Variants in EDRF1 observed in about 807,000 individuals in gnomAD.
The protein encoded by EDRF1 is erythroid differentiation-related factor 1.
Under a neutral mutation model 148.7 loss-of-function variants are expected in EDRF1, and 69 were observed. The observed-to-expected ratio is 0.46, with a 90% CI of 0.38 to 0.57. The LOEUF (loss-of-function observed/expected upper bound fraction) is 0.57. Among genes scored for constraint, EDRF1 ranks in the 20% least tolerant of loss-of-function variants. The pLI, the probability that EDRF1 is intolerant of heterozygous loss-of-function variation, is 0.00. For synonymous variants in EDRF1, 515 were observed against 532.8 expected (o/e 0.97, Z 0.46); for missense variants, 1,118 against 1,478.7 (o/e 0.76, Z 4.00).
chr10:125,747,492 T>C (rs949581594), intron 19 of EDRF1, 44 bp from the exon 20 acceptor site: 2 of 1,605,384 alleles, frequency 1.2e-6, no homozygotes. Flanking sequence ...TATTGGTATA[T>C]GTTTAAGCTG....
intron 1 of EDRF1, among the ~76,000 whole-genome samples, chr10:125,720,762 G>A (rs1847949843): frequency 6.7e-6 from 1 of 149,046 alleles, no homozygotes; most frequent in South Asian, 2.1e-4. Context: ...AGTGAGCCAT[G>A]ATTGCTCCAC....
intron 18 of EDRF1, among the ~76,000 whole-genome samples, chr10:125,744,445 A>G (rs977540449): frequency 3.9e-5 from 6 of 152,074 alleles, no homozygotes; most frequent in African/African-American, 1.4e-4. Flanking sequence ...TGGCTTCCCA[A>G]AGTTCTGGGA....
chr10:125,759,038 G>A (rs1349081284), intron 24 of EDRF1, among the ~76,000 whole-genome samples: 1 of 152,146 alleles, frequency 6.6e-6, no homozygotes, highest in Non-Finnish European at 1.5e-5. Context: ...AAGGGTCCAG[G>A]TGGGGTTGCT....
At chr10:125,720,080 G>T (rs1458191200) in intron 1 of EDRF1, among the ~76,000 whole-genome samples, 165 bp downstream of exon 1, 1 of 152,204 alleles carries the variant, frequency 6.6e-6, no homozygotes, top group Admixed American at 6.5e-5. Flanking sequence ...GCAGGTATTC[G>T]TATTAAAAGC....
At chr10:125,733,285 T>C in intron 9 of EDRF1, 119 bp from the exon 10 acceptor site, 1 of 779,844 alleles carries the variant, frequency 1.3e-6, no homozygotes, top group Non-Finnish European at 2.1e-6. Flanking sequence ...GTTTAAACAC[T>C]TTCATGCTAC....
intron 21 of EDRF1, chr10:125,748,884 C>A: frequency 5.1e-6 from 1 of 196,390 alleles, no homozygotes; most frequent in Non-Finnish European, 1.1e-5. Context: ...TGTCTTGGCA[C>A]CCTTAAGCTT....
At position 125,733,415 on chromosome 10, in the gene EDRF1, G is replaced by T; in HGVS notation, c.1140G>T (p.Met380Ile). 6.3e-7 allele frequency: 1 copy of T among 1,574,850 alleles called. No individual in the cohort carries two copies. The highest frequency in any genetic ancestry group is 8.7e-7 in the Non-Finnish European group (1 of 1,154,122). Residue 380 changes from methionine (M) to isoleucine (I), a missense_variant, in exon 10 of 25, where the codon ATG becomes ATT. By Grantham distance (10) the Met-to-Ile change is conservative (BLOSUM62 1). Transcript: ENST00000356792. ...TCTGTATTTTACAGAAATATGAAAT[G>T]ATAAAGACAGAAGAAATTCCCAATT... ...HVNGIVQKYE[M>I]IKTEEIPNLE...
Position 125,729,288 on chromosome 10 carries a change from CTT to C in EDRF1, c.895-66_895-65del, listed in dbSNP as rs1329283205. 11 of 1,580,998 alleles carry C rather than the reference CTT, an allele frequency of 7.0e-6. No individual in the cohort carries two copies. In the East Asian group the frequency reaches 1.3e-4, roughly 19 times the overall value. On this transcript the variant is annotated intron_variant, in intron 7 of 24. Coordinates refer to ENST00000356792, the MANE Select transcript of EDRF1 (RefSeq NM_001202438.2). Reference sequence around the variant, plus strand: ...TTCTTTGTCTCTTCCTTTTTCTAGTCTTTTTATGGATCATGGGGGGAAATTAC... The same window carrying C: ...TTCTTTGTCTCTTCCTTTTTCTAGTCTTTATGGATCATGGGGGGAAATTAC...
At position 125,763,447 on chromosome 10, in the gene EDRF1, C is replaced by G; in HGVS notation, c.3692C>G (p.Ala1231Gly). Residue 1231 changes from alanine (A) to glycine (G), a missense_variant, in exon 25 of 25, where the codon GCA becomes GGA. Transcript: ENST00000356792. This position sits in a 1 kb window ranked among gnomAD's most constrained non-coding sequence, Gnocchi z 4.3. ...CTGGGCCAGCTTGCCGCCGGCAGTGCAGCGAGCAGCAATGCCGTTCAGTGA... is the reference window on the plus strand; with the variant it reads ...CTGGGCCAGCTTGCCGCCGGCAGTGGAGCGAGCAGCAATGCCGTTCAGTGA... The part of the protein sequence containing the change: ...HLLGQLAAGS[A>G]ASSNAVQ 3.1e-6 allele frequency: 5 copies of G among 1,608,754 alleles called. No homozygotes were observed. Among genetic ancestry groups the G allele is most frequent in the Non-Finnish European group, 4.2e-6 (5 of 1,180,000 alleles).
intron 17 of EDRF1, 57 bp downstream of exon 17, chr10:125,741,258 G>A: frequency 7.0e-7 from 1 of 1,425,278 alleles, no homozygotes. Flanking sequence ...TCTAGCTCAT[G>A]CTTATTTGAG....
At chr10:125,721,168 A>G in intron 1 of EDRF1, 36 bp from the exon 2 acceptor site, 1 of 1,603,840 alleles carries the variant, frequency 6.2e-7, no homozygotes, top group Non-Finnish European at 8.5e-7. Context: ...CGTTCTTAGT[A>G]ATTTTCATTA....
chr10:125,745,644 G>C, intron 18 of EDRF1, 63 bp from the exon 19 acceptor site: 1 of 1,542,744 alleles, frequency 6.5e-7, no homozygotes, highest in Non-Finnish European at 8.9e-7. Context: ...CTCATCAAGA[G>C]ACAGTGCTAA....
At chr10:125,743,024 G>A (rs2133726366) in intron 17 of EDRF1, 34 bp from the exon 18 acceptor site, 1 of 1,608,934 alleles carries the variant, frequency 6.2e-7, no homozygotes. Context: ...GGAATCACAT[G>A]ATTCGCATTG....
chr10:125,726,359 T>G (rs2133675957), intron 6 of EDRF1, among the ~76,000 whole-genome samples: 1 of 152,306 alleles, frequency 6.6e-6, no homozygotes, highest in African/African-American at 2.4e-5. Flanking sequence ...TTCCTGAAAC[T>G]TAGTCCACAT....
At chr10:125,761,858 C>G (rs1390283670) in intron 24 of EDRF1, among the ~76,000 whole-genome samples, 1 of 152,168 alleles carries the variant, frequency 6.6e-6, no homozygotes, top group African/African-American at 2.4e-5. Flanking sequence ...CTTTCAAATG[C>G]CTTTTCTAAT....
chr10:125,755,936 TTC>T (rs1849881863), intron 24 of EDRF1, among the ~76,000 whole-genome samples: 1 of 152,154 alleles, frequency 6.6e-6, no homozygotes, highest in South Asian at 2.1e-4. Flanking sequence ...CCCTCATTGT[TTC>T]TCTCTTTTAA....
chr10:125,745,737 AGTT>A lies in EDRF1; in HGVS notation c.2624_2626del (p.Leu875del). 1 of 1,614,266 alleles carries A rather than the reference AGTT, an allele frequency of 6.2e-7. No individual in the cohort carries two copies. The highest frequency in any genetic ancestry group is 8.5e-7 in the Non-Finnish European group (1 of 1,180,040). On this transcript the variant is annotated inframe_deletion, in exon 19 of 25. Transcript: ENST00000356792. ...AAATCTGTGTCTGCTGCCGAGCAACAGTTGTGGAAAAAAAGCTTTTCTTGTTTT... is the reference window on the plus strand; with the variant it reads ...AAATCTGTGTCTGCTGCCGAGCAACAGTGGAAAAAAAGCTTTTCTTGTTTT...
intron 19 of EDRF1, 129 bp from the exon 20 acceptor site, chr10:125,747,407 A>G: frequency 9.4e-7 from 1 of 1,059,960 alleles, no homozygotes; most frequent in Non-Finnish European, 1.4e-6. Context: ...TCCTCATAAT[A>G]TTGTCTCTTT....
In EDRF1 at chr10:125,745,719, T is replaced by C. The variant is rs1312873123; in HGVS notation, c.2603T>C (p.Val868Ala). 1.2e-6 allele frequency: 2 copies of C among 1,614,136 alleles called. No homozygotes were observed. The highest frequency in any genetic ancestry group is 2.7e-5 in the African/African-American group (2 of 74,950). ...LQSERLVSKS[V>A]SAAEQQLWKK... ...TTTCTCTGTAAAGTGAGCAAATCTG[T>C]GTCTGCTGCCGAGCAACAGTTGTGG... The change falls in exon 19 of 25, where the codon GTG becomes GCG. Residue 868 changes from valine (V) to alanine (A), a missense_variant. By Grantham distance (64) the Val-to-Ala change is moderately conservative. Transcript: ENST00000356792.
Sources: allele counts gnomAD v4.1 joint callset (sites outside exome capture counted in the v4.1 genomes callset), GRCh38; gene constraint gnomAD v4.1.1; non-coding constraint Gnocchi (gnomAD v3.1); transcripts MANE v1.5; gene names NCBI Gene and HGNC (gene_info 2026-07-23, HGNC 2026-07-21).